SVOPL: variants seen among roughly 807,000 people sequenced by gnomAD.
The protein encoded by SVOPL is SVOP like.
A neutral mutation model predicts 61.0 loss-of-function variants in SVOPL; 60 were observed. The ratio of observed to expected loss-of-function variants is 0.98; its 90% CI spans 0.80 to 1.22. The LOEUF is 1.22. Ranked by LOEUF, SVOPL falls within the 50% of genes most tolerant of loss-of-function variation. The pLI, the probability that SVOPL is intolerant of heterozygous loss-of-function variation, is 0.00. For synonymous variants in SVOPL, 279 were observed against 250.0 expected, an observed-to-expected ratio of 1.12 and a Z score of -1.09; for missense variants, 662 against 643.9, an observed-to-expected ratio of 1.03 and a Z score of -0.30.
At chr7:138,689,476 T>A in intron 1 of SVOPL, 1 of 904,112 alleles carries the variant, frequency 1.1e-6, no homozygotes, top group Non-Finnish European at 1.8e-6. Context: ...AAGGTTGCCC[T>A]GAAGAAAAAG....
rs1012193919 is a variant in SVOPL at position 138,628,380 on chromosome 7, A to G, written c.864-17T>C. 1 of 1,612,772 alleles carries G rather than the reference A, an allele frequency of 6.2e-7. No individual in the cohort carries two copies. The highest frequency in any genetic ancestry group is 1.7e-4 in the Middle Eastern group (1 of 6,058). ...ATTCCAAGCCTGGAAGAGAGAAAAC[A>G]AAGTCACTAGCCAACGCTGACACCA... On this transcript the variant is annotated splice_polypyrimidine_tract_variant and intron_variant, in intron 10 of 15. Coordinates refer to ENST00000674285, the MANE Select transcript of SVOPL (RefSeq NM_001139456.2).
intron 1 of SVOPL, among the ~76,000 whole-genome samples, chr7:138,683,325 G>A (rs1172322277): frequency 6.6e-6 from 1 of 152,100 alleles, no homozygotes; most frequent in Non-Finnish European, 1.5e-5. Flanking sequence ...TTGAGTATGT[G>A]TAGTATTTTC....
chr7:138,623,358 T>G (rs1799754288), intron 13 of SVOPL, among the ~76,000 whole-genome samples: 1 of 152,148 alleles, frequency 6.6e-6, no homozygotes. Flanking sequence ...CCGAGCACTT[T>G]GGGAGGCCGA....
intron 15 of SVOPL, 75 bp downstream of exon 15, chr7:138,596,342 G>A: frequency 4.2e-6 from 5 of 1,183,852 alleles, no homozygotes; most frequent in Admixed American, 2.2e-5. Context: ...CTACAATGAT[G>A]CCCATATACC....
chr7:138,641,814 T>TTACATATA (rs1554464904), intron 9 of SVOPL, among the ~76,000 whole-genome samples: 5 of 120,972 alleles, frequency 4.1e-5, no homozygotes, highest in Non-Finnish European at 8.3e-5. Context: ...TATATATATG[T>TTACATATA]TATATATATA....
At chr7:138,630,335 A>G (rs1237296393) in intron 9 of SVOPL, among the ~76,000 whole-genome samples, 1 of 152,142 alleles carries the variant, frequency 6.6e-6, no homozygotes, top group Non-Finnish European at 1.5e-5. Flanking sequence ...GCTTTTTCTC[A>G]TCATTGACAG....
At chr7:138,615,894 C>G (rs1799276504) in intron 14 of SVOPL, among the ~76,000 whole-genome samples, 1 of 152,042 alleles carries the variant, frequency 6.6e-6, no homozygotes, top group South Asian at 2.1e-4. Flanking sequence ...AAACTCTTTC[C>G]CCTCTTTCTG....
At chr7:138,636,767 G>A (rs57306596) in intron 9 of SVOPL, among the ~76,000 whole-genome samples, 7,585 of 151,880 alleles carry the variant, frequency 0.05, 466 homozygotes, top group East Asian at 0.14. Flanking sequence ...CACCACACCC[G>A]GCGGATTTTA....
intron 1 of SVOPL, among the ~76,000 whole-genome samples, chr7:138,697,765 AAGG>A (rs980036103): frequency 2.0e-5 from 3 of 151,106 alleles, no homozygotes; most frequent in Admixed American, 6.6e-5. Flanking sequence ...GAAAAAGAAG[AAGG>A]AGAAGGAGGA....
intron 4 of SVOPL, 86 bp from the exon 5 acceptor site, chr7:138,663,231 C>T (rs1433131286): frequency 6.4e-7 from 1 of 1,553,856 alleles, no homozygotes; most frequent in East Asian, 2.4e-5. Flanking sequence ...TAGAAGTAGG[C>T]TGGAAATACG....
chr7:138,645,604 TCACCTCCTTCAA>T (rs1302193905), intron 8 of SVOPL: 1 of 152,596 alleles, frequency 6.6e-6, no homozygotes, highest in Admixed American at 6.6e-5. Flanking sequence ...CAATCAGAAG[TCACCTCCTTCAA>T]CACCTCCACA....
At chr7:138,627,233 C>T (rs1799931607) in intron 12 of SVOPL, 117 bp downstream of exon 12, 4 of 709,870 alleles carry the variant, frequency 5.6e-6, no homozygotes, top group Non-Finnish European at 7.1e-6. Context: ...GCAAGCAGCC[C>T]ATTCTCTACT....
At chr7:138,603,165 C>T (rs113383018) in intron 14 of SVOPL, among the ~76,000 whole-genome samples, 8,863 of 152,156 alleles carry the variant, frequency 0.058, 298 homozygotes, top group Middle Eastern at 0.095. Context: ...TTATCTCTGG[C>T]AATAAATTAC....
intron 3 of SVOPL, among the ~76,000 whole-genome samples, chr7:138,674,967 T>C (rs1802522237): frequency 6.6e-6 from 1 of 152,184 alleles, no homozygotes; most frequent in South Asian, 2.1e-4. Context: ...TCACACCTAC[T>C]TGTCCCTTGA....
intron 14 of SVOPL, among the ~76,000 whole-genome samples, chr7:138,601,831 G>A (rs892717559): frequency 6.6e-6 from 1 of 152,036 alleles, no homozygotes; most frequent in African/African-American, 2.4e-5. Context: ...CTTCCCACGT[G>A]TCTCTGCCCT....
At chr7:138,611,588 C>A (rs536283350) in intron 14 of SVOPL, among the ~76,000 whole-genome samples, 1 of 151,926 alleles carries the variant, frequency 6.6e-6, no homozygotes, top group Non-Finnish European at 1.5e-5. Flanking sequence ...TGTCATCTTA[C>A]GAGCTGATTT....
intron 9 of SVOPL, among the ~76,000 whole-genome samples, chr7:138,639,488 G>A (rs118107470): frequency 6.0e-5 from 9 of 150,200 alleles, no homozygotes; most frequent in Admixed American, 4.0e-4. Flanking sequence ...TTATTTGGGC[G>A]TGGTGGCGGG....
chr7:138,684,363 T>TGAA, intron 1 of SVOPL, among the ~76,000 whole-genome samples: 1 of 81,620 alleles, frequency 1.2e-5, no homozygotes, highest in South Asian at 3.8e-4. Context: ...AGACTCCATC[T>TGAA]CAAAAAAAAA....
intron 1 of SVOPL, among the ~76,000 whole-genome samples, chr7:138,697,578 C>T (rs1803089784): frequency 7.1e-6 from 1 of 140,934 alleles, no homozygotes; most frequent in South Asian, 2.3e-4. Context: ...ACCCACTGCA[C>T]TCCAGCCTGG....
Sources: allele counts gnomAD v4.1 joint callset (sites outside exome capture counted in the v4.1 genomes callset), GRCh38; gene constraint gnomAD v4.1.1; transcripts MANE v1.5; gene names NCBI Gene and HGNC (gene_info 2026-07-23, HGNC 2026-07-21).